Variants in PSMD5 observed in about 807,000 individuals in gnomAD.
The protein encoded by PSMD5 is proteasome 26S subunit, non-ATPase 5, also known as 26S proteasome non-ATPase regulatory subunit 5.
In PSMD5, 40 loss-of-function variants were observed where a neutral mutation model predicts 52.1. The observed-to-expected ratio is 0.77, with a 90% CI of 0.60 to 1.00. The LOEUF (loss-of-function observed/expected upper bound fraction) is 1.00, where lower values mean the gene tolerates loss of function less well. Ranked by LOEUF, PSMD5 falls within the 50% of genes least tolerant of loss-of-function variation. PSMD5 has a pLI of 0.00. For missense variants in PSMD5, 575 were observed against 605.2 expected (o/e 0.95, Z 0.52); for synonymous variants, 211 against 226.6 (o/e 0.93, Z 0.62).
chr9:120,819,520 A>G (rs2045067974), intron 9 of PSMD5, among the ~76,000 whole-genome samples: 1 of 152,226 alleles, frequency 6.6e-6, no homozygotes, highest in East Asian at 1.9e-4. Flanking sequence ...ATGACCATTT[A>G]CAAGGGTGAA....
chr9:120,838,135 C>T (rs969642442), intron 1 of PSMD5, among the ~76,000 whole-genome samples: 1 of 152,156 alleles, frequency 6.6e-6, no homozygotes, highest in African/African-American at 2.4e-5. Flanking sequence ...GAGAGATTAG[C>T]AAGGGGTATG....
intron 7 of PSMD5, among the ~76,000 whole-genome samples, chr9:120,821,882 G>A (rs960620976): frequency 1.3e-5 from 2 of 152,190 alleles, no homozygotes; most frequent in African/African-American, 4.8e-5. Context: ...TCAATTGTAT[G>A]TATATACCAC....
chr9:120,824,510 C>T lies in PSMD5; in HGVS notation c.990G>A (p.Gln330=). The change falls in exon 7 of 10, where the codon CAG becomes CAA. Residue 330 remains glutamine, a synonymous_variant. Coordinates refer to ENST00000210313, the MANE Select transcript of PSMD5 (RefSeq NM_005047.4). ...GILGSNVEGK[Q]VLQKTGTRFE... ...CATACCAACCTGTTTTCTGTAAAAC[C>T]TGTTTTCCTTCAACATTGGATCCCA... The T allele has an allele frequency of 6.2e-7, 1 of 1,614,082 alleles. No homozygotes were observed. The highest frequency in any genetic ancestry group is 1.7e-5 in the Admixed American group (1 of 60,012).
intron 1 of PSMD5, among the ~76,000 whole-genome samples, chr9:120,834,141 G>A (rs1476433833): frequency 2.0e-5 from 3 of 151,796 alleles, no homozygotes; most frequent in East Asian, 1.9e-4. Context: ...CACCACACCC[G>A]GCTAACTTTT....
chr9:120,817,636 C>A lies in PSMD5; in HGVS notation c.*270G>T. 1 of 357,250 alleles carries A rather than the reference C, an allele frequency of 2.8e-6. No individual in the cohort carries two copies. Among genetic ancestry groups the A allele is most frequent in the East Asian group, 4.4e-5 (1 of 22,632 alleles). 22.1% of individuals were successfully genotyped at this position (357,250 alleles called of 1,614,324 possible). On this transcript the variant is annotated 3_prime_UTR_variant, in exon 10 of 10. Coordinates refer to ENST00000210313, the MANE Select transcript of PSMD5 (RefSeq NM_005047.4). ...TTTTGAGGGAAGAAAAAAACTTCCA[C>A]CCTGTTGCAAAGATTAAGGCAGTGA... is the stretch of plus-strand genomic sequence containing the variant.
intron 7 of PSMD5, 98 bp from the exon 8 acceptor site, chr9:120,821,562 A>G: frequency 4.1e-6 from 3 of 739,278 alleles, no homozygotes; most frequent in Non-Finnish European, 6.2e-6. Context: ...GTTCAGTGCT[A>G]TTAAGTACAT....
chr9:120,832,328 C>A (rs1408886724), intron 2 of PSMD5, among the ~76,000 whole-genome samples: 2 of 151,726 alleles, frequency 1.3e-5, no homozygotes, highest in Non-Finnish European at 2.9e-5. Context: ...GGCAAAGCAC[C>A]TGCTACAGTG....
At chr9:120,837,674 T>C (rs2045207589) in intron 1 of PSMD5, among the ~76,000 whole-genome samples, 1 of 152,252 alleles carries the variant, frequency 6.6e-6, no homozygotes, top group Admixed American at 6.5e-5. Context: ...CTATAACCAC[T>C]TTGGAAAACA....
intron 1 of PSMD5, 154 bp downstream of exon 1, chr9:120,842,583 G>C (rs1476375213): frequency 2.2e-6 from 2 of 927,186 alleles, no homozygotes; most frequent in Non-Finnish European, 3.2e-6. Flanking sequence ...CCCATCTCCT[G>C]CCTCTGAACC....
At chr9:120,824,920 T>C in intron 6 of PSMD5, 1 of 365,162 alleles carries the variant, frequency 2.7e-6, no homozygotes, top group Non-Finnish European at 4.9e-6. Context: ...TACTGGCATA[T>C]GCAAGAGGGA....
chr9:120,835,739 A>T (rs1168650622), intron 1 of PSMD5, among the ~76,000 whole-genome samples: 2 of 152,106 alleles, frequency 1.3e-5, no homozygotes, highest in Non-Finnish European at 2.9e-5. Context: ...CAAAAAAAAA[A>T]AATAAAATAA....
At chr9:120,831,543 G>T in intron 3 of PSMD5, 84 bp from the exon 4 acceptor site, 8 of 1,406,280 alleles carry the variant, frequency 5.7e-6, no homozygotes, top group Non-Finnish European at 7.6e-6. Context: ...AATAGTGCAT[G>T]GAATGCACCT....
chr9:120,824,920 T>G (rs1353322129), intron 6 of PSMD5: 3 of 365,044 alleles, frequency 8.2e-6, no homozygotes, highest in Non-Finnish European at 1.5e-5. Flanking sequence ...TACTGGCATA[T>G]GCAAGAGGGA....
chr9:120,824,741 G>A lies in PSMD5; in HGVS notation c.815-56C>T, dbSNP rs140401127. On this transcript the variant is annotated intron_variant, in intron 6 of 9. Transcript: ENST00000210313. Reference sequence around the variant, plus strand: ...AGGGGAACAAGACAGCATGAATTGCGGGCTCTATGACTTCACAGGAACAGA... The same window carrying A: ...AGGGGAACAAGACAGCATGAATTGCAGGCTCTATGACTTCACAGGAACAGA... The A allele has an allele frequency of 1.1e-3, 1,616 of 1,432,110 alleles. 15 individuals are homozygous for A. The highest frequency in any genetic ancestry group is 9.7e-3 in the African/African-American group (682 of 70,052). 88.7% of individuals were successfully genotyped at this position (1,432,110 alleles called of 1,614,324 possible).
intron 1 of PSMD5, among the ~76,000 whole-genome samples, chr9:120,834,638 GA>G (rs1186574515): frequency 1.3e-5 from 2 of 152,176 alleles, no homozygotes; most frequent in Non-Finnish European, 2.9e-5. Context: ...GACAAGAACT[GA>G]AACTGAAAAG....
intron 4 of PSMD5, among the ~76,000 whole-genome samples, chr9:120,830,739 A>T (rs1223797315): frequency 6.6e-6 from 1 of 152,200 alleles, no homozygotes; most frequent in Admixed American, 6.5e-5. Context: ...AGTTTACTGT[A>T]AGAATTAAAG....
rs776675326 is a variant in PSMD5, at chr9:120,833,446, T to C, written c.184A>G (p.Thr62Ala). 6.2e-7 allele frequency: 1 copy of C among 1,613,272 alleles called. No individual in the cohort carries two copies. The highest frequency in any genetic ancestry group is 8.5e-7 in the Non-Finnish European group (1 of 1,179,472). The stretch of plus-strand genomic sequence containing the variant: ...CTCTCCAGAATGGATACACACAAAG[T>C]AGTCTTTTCCCTGAAGGAGACATCA... Reference protein sequence around the residue: ...LLNENHREKTTLCVSILERLL... With the variant: ...LLNENHREKTALCVSILERLL... The change falls in exon 2 of 10, where the codon ACT (threonine) becomes GCT (alanine). Residue 62 changes from threonine to alanine, a missense_variant. Transcript: ENST00000210313.
At chr9:120,831,628 A>T in intron 3 of PSMD5, 169 bp from the exon 4 acceptor site, 1 of 1,067,388 alleles carries the variant, frequency 9.4e-7, no homozygotes, top group Non-Finnish European at 1.3e-6. Context: ...TGGATACTGT[A>T]GATATGTATA....
chr9:120,826,972 T>C (rs2045127417), intron 5 of PSMD5, 65 bp from the exon 6 acceptor site: 6 of 1,459,342 alleles, frequency 4.1e-6, no homozygotes, highest in Non-Finnish European at 5.6e-6. Context: ...TATAAATTGC[T>C]CTCATACAGG....
Sources: allele counts gnomAD v4.1 joint callset (sites outside exome capture counted in the v4.1 genomes callset), GRCh38; gene constraint gnomAD v4.1.1; transcripts MANE v1.5; gene names NCBI Gene and HGNC (gene_info 2026-07-23, HGNC 2026-07-21).